The following LAMA2 variants were observed in gnomAD, a reference collection of about 807,000 sequenced individuals.
The protein encoded by LAMA2 is laminin subunit alpha-2.
In LAMA2, 269 loss-of-function variants were observed where a neutral mutation model predicts 364.8. The observed-to-expected ratio is 0.74, with a 90% confidence interval of 0.67 to 0.82. The LOEUF is 0.82. Ranked by LOEUF, LAMA2 falls within the 40% of genes least tolerant of loss-of-function variation. The pLI, the probability that LAMA2 is intolerant of heterozygous loss-of-function variation, is 0.00. For synonymous variants in LAMA2, 1,379 were observed against 1,370.6 expected, an observed-to-expected ratio of 1.01 and a Z score of -0.14; for missense variants, 3,807 against 3,873.2, an observed-to-expected ratio of 0.98 and a Z score of 0.45.
At chr6:129,363,777 G>A (rs894615058) in intron 32 of LAMA2, among the ~76,000 whole-genome samples, 2 of 152,154 alleles carry the variant, frequency 1.3e-5, no homozygotes, top group Non-Finnish European at 2.9e-5. Flanking sequence ...TGGTTCTGAG[G>A]CCCACTAAAG....
chr6:129,227,629 G>C (rs1170117346), intron 12 of LAMA2, among the ~76,000 whole-genome samples: 4 of 152,184 alleles, frequency 2.6e-5, no homozygotes, highest in African/African-American at 9.7e-5. Context: ...AGCAGCGGAG[G>C]CTGCAGAACA....
In LAMA2 at chr6:129,247,959, A is replaced by G. The variant is rs142849133; in HGVS notation, c.1783-2153A>G. On this transcript the variant is annotated intron_variant, in intron 12 of 64. Coordinates refer to ENST00000421865, the MANE Select transcript of LAMA2 (RefSeq NM_000426.4). ...TTCCCACCTCTAATTCCTCTCTCAT[A>G]GTATTTTAGTTTATGTCAGGGATCC... Among the ~76,000 whole-genome samples, 362 of 151,958 alleles carry G rather than the reference A, an allele frequency of 2.4e-3. 2 individuals are homozygous for G. The East Asian group carries it at 0.031, about 13-fold the overall frequency.
At chr6:129,251,038 CTT>C (rs1491228180) in intron 13 of LAMA2, among the ~76,000 whole-genome samples, 8,555 of 112,542 alleles carry the variant, frequency 0.076, 383 homozygotes, top group East Asian at 0.36. Context: ...CTGTCTCTCT[CTT>C]TCTCTCTCTC....
At chr6:129,381,011 T>G (rs1778653946) in intron 34 of LAMA2, among the ~76,000 whole-genome samples, 1 of 152,254 alleles carries the variant, frequency 6.6e-6, no homozygotes, top group Non-Finnish European at 1.5e-5. Context: ...ATTTACTTTT[T>G]AAAATTTAGA....
At chr6:129,102,952 G>A (rs1413213416) in intron 4 of LAMA2, among the ~76,000 whole-genome samples, 1 of 152,196 alleles carries the variant, frequency 6.6e-6, no homozygotes, top group Non-Finnish European at 1.5e-5. Flanking sequence ...GCCAGCGTGT[G>A]TGGGAATTAC....
intron 1 of LAMA2, among the ~76,000 whole-genome samples, chr6:128,927,790 A>G (rs1375850298): frequency 6.6e-6 from 1 of 152,238 alleles, no homozygotes; most frequent in African/African-American, 2.4e-5. Flanking sequence ...ATAGAAAATA[A>G]ACACTTATTC....
At chr6:129,098,972 C>G (rs181882596) in intron 4 of LAMA2, among the ~76,000 whole-genome samples, 1 of 152,258 alleles carries the variant, frequency 6.6e-6, no homozygotes, top group Admixed American at 6.5e-5. Context: ...AGCTAGGTTA[C>G]GTGCTTAGTT....
chr6:129,448,851 T>A (rs1375551829), intron 45 of LAMA2, among the ~76,000 whole-genome samples: 2 of 152,194 alleles, frequency 1.3e-5, no homozygotes, highest in Non-Finnish European at 2.9e-5. Flanking sequence ...AAAAGGATGT[T>A]TGAATTTCAG....
chr6:129,487,742 A>T (rs1216131549), intron 56 of LAMA2, among the ~76,000 whole-genome samples: 1 of 152,208 alleles, frequency 6.6e-6, no homozygotes, highest in Non-Finnish European at 1.5e-5. Flanking sequence ...CTGTAGGATG[A>T]ATTGATACAA....
chr6:129,092,613 C>T (rs1562232336), intron 3 of LAMA2, among the ~76,000 whole-genome samples: 1 of 152,184 alleles, frequency 6.6e-6, no homozygotes, highest in African/African-American at 2.4e-5. Context: ...AGAAGTGAAG[C>T]ATTTTCGTTC....
At chr6:129,313,165 T>C in intron 23 of LAMA2, 68 bp downstream of exon 23, 2 of 961,972 alleles carry the variant, frequency 2.1e-6, no homozygotes, top group South Asian at 3.1e-5. Flanking sequence ...CAGTTTTAAC[T>C]TCATTCAGTG....
At position 129,192,795 on chromosome 6, in the gene LAMA2, G is replaced by A. The variant is rs1222805729; in HGVS notation, c.1724G>A (p.Arg575Gln). ...ATCAGCATCAGTAACGCGGAGGCCCGGCAAGCCCTGCCGCACAGCTACTAC... is the reference window on the plus strand; with the variant it reads ...ATCAGCATCAGTAACGCGGAGGCCCAGCAAGCCCTGCCGCACAGCTACTAC... ...QQISISNAEARQALPHSYYWS... is the reference protein window; with the variant it reads ...QQISISNAEAQQALPHSYYWS... The change falls in exon 12 of 65, where the codon CGG becomes CAG. Residue 575 changes from arginine (R) to glutamine (Q), a missense_variant. Transcript: ENST00000421865. 4 of 1,614,154 alleles carry A rather than the reference G, an allele frequency of 2.5e-6. No individual in the cohort carries two copies. Among genetic ancestry groups the A allele is most frequent in the Non-Finnish European group, 3.4e-6 (4 of 1,180,030 alleles).
At chr6:129,408,749 G>T (rs1196431241) in intron 40 of LAMA2, among the ~76,000 whole-genome samples, 1 of 152,086 alleles carries the variant, frequency 6.6e-6, no homozygotes, top group African/African-American at 2.4e-5. Context: ...AGTCCATGTT[G>T]CTGAGCCTAT....
At chr6:129,196,347 G>C (rs1057050277) in intron 12 of LAMA2, among the ~76,000 whole-genome samples, 1 of 152,166 alleles carries the variant, frequency 6.6e-6, no homozygotes, top group Non-Finnish European at 1.5e-5. Context: ...ACTGATATTT[G>C]AGATTTGTAG....
intron 11 of LAMA2, among the ~76,000 whole-genome samples, chr6:129,191,961 A>C (rs1404024857): frequency 6.6e-6 from 1 of 152,176 alleles, no homozygotes. Context: ...ATGTAAAAAC[A>C]AATCATTATG....
chr6:129,196,222 T>C (rs2115042181), intron 12 of LAMA2, among the ~76,000 whole-genome samples: 1 of 152,336 alleles, frequency 6.6e-6, no homozygotes, highest in East Asian at 1.9e-4. Context: ...GCTGACATAA[T>C]AGCATCTGGC....
At chr6:129,295,124 C>T (rs1273835201) in intron 20 of LAMA2, among the ~76,000 whole-genome samples, 1 of 152,144 alleles carries the variant, frequency 6.6e-6, no homozygotes, top group Non-Finnish European at 1.5e-5. Flanking sequence ...AATCTTGACT[C>T]CACAATTGGT....
chr6:129,348,917 AG>A (rs1449687209), intron 30 of LAMA2, among the ~76,000 whole-genome samples: 19 of 152,196 alleles, frequency 1.2e-4, no homozygotes, highest in African/African-American at 3.6e-4. Context: ...AGAGATATTA[AG>A]TAATAGCTAT....
intron 39 of LAMA2, 116 bp from the exon 40 acceptor site, chr6:129,403,704 AT>A: frequency 1.1e-6 from 1 of 913,094 alleles, no homozygotes; most frequent in Non-Finnish European, 1.8e-6. Context: ...ATTATTTGGA[AT>A]TGTCATAGAT....
Sources: gnomAD v4.1 joint callset for allele counts (sites outside exome capture counted in the v4.1 genomes callset) on GRCh38, gnomAD v4.1.1 for gene constraint, MANE v1.5 for transcripts, NCBI Gene and HGNC (gene_info 2026-07-23, HGNC 2026-07-21) for gene names.